MAMDC2: variants seen among roughly 807,000 people sequenced by gnomAD.
MAMDC2 encodes MAM domain-containing protein 2.
A neutral mutation model predicts 89.8 loss-of-function variants in MAMDC2; 57 were observed. The ratio of observed to expected loss-of-function variants is 0.63; its 90% CI spans 0.51 to 0.79. MAMDC2 has a LOEUF of 0.79. Ranked by LOEUF, MAMDC2 falls within the 30% of genes least tolerant of loss-of-function variation. MAMDC2 has a pLI of 0.00. For missense variants in MAMDC2, 800 were observed against 820.6 expected (o/e 0.97, Z 0.31); for synonymous variants, 313 against 293.4 (o/e 1.07, Z -0.68).
At chr9:70,166,635 A>G (rs1440654048) in intron 9 of MAMDC2, among the ~76,000 whole-genome samples, 1 of 152,052 alleles carries the variant, frequency 6.6e-6, no homozygotes, top group East Asian at 1.9e-4. Context: ...CTATTTTTAA[A>G]ATTCTGGGTG....
chr9:70,209,918 G>T (rs531381305), intron 11 of MAMDC2, among the ~76,000 whole-genome samples: 1 of 152,310 alleles, frequency 6.6e-6, no homozygotes, highest in South Asian at 2.1e-4. Context: ...GGAGCAGGTT[G>T]TTCAGTTTCC....
intron 9 of MAMDC2, among the ~76,000 whole-genome samples, chr9:70,159,873 G>A (rs1406974637): frequency 6.6e-6 from 1 of 152,130 alleles, no homozygotes; most frequent in Non-Finnish European, 1.5e-5. Context: ...GCCCAGCACT[G>A]ATTTTTTTTA....
At chr9:70,089,909 A>C (rs1827850922) in intron 2 of MAMDC2, among the ~76,000 whole-genome samples, 1 of 152,130 alleles carries the variant, frequency 6.6e-6, no homozygotes, top group African/African-American at 2.4e-5. Context: ...GAGCCTTTTT[A>C]ACCTAAATAT....
chr9:70,196,196 C>T (rs1254803524), intron 11 of MAMDC2, among the ~76,000 whole-genome samples: 1 of 152,088 alleles, frequency 6.6e-6, no homozygotes, highest in Non-Finnish European at 1.5e-5. Context: ...ATTCTCTCCA[C>T]TTGGCCCCAC....
intron 4 of MAMDC2, among the ~76,000 whole-genome samples, chr9:70,110,083 C>T (rs1008673329): frequency 6.6e-6 from 1 of 152,224 alleles, no homozygotes; most frequent in African/African-American, 2.4e-5. Flanking sequence ...AACCTCAACA[C>T]ATTCTGATTA....
At chr9:70,161,892 G>C (rs2031987256) in intron 9 of MAMDC2, among the ~76,000 whole-genome samples, 1 of 152,130 alleles carries the variant, frequency 6.6e-6, no homozygotes, top group African/African-American at 2.4e-5. Flanking sequence ...GATTTCAAAA[G>C]ATTTTAACCT....
chr9:70,128,448 G>A (rs531953549), intron 6 of MAMDC2, among the ~76,000 whole-genome samples: 20 of 152,192 alleles, frequency 1.3e-4, no homozygotes, highest in South Asian at 1.2e-3. Flanking sequence ...AGGCTTCCCC[G>A]TGGATTTTGG....
At position 70,140,161 on chromosome 9, in the gene MAMDC2, C is replaced by T. The variant is rs765858332; in HGVS notation, c.1011C>T (p.Ala337=). 3.1e-5 allele frequency: 49 copies of T among 1,587,084 alleles called. No individual in the cohort carries two copies. Among genetic ancestry groups the T allele is most frequent in the Non-Finnish European group, 4.0e-5 (47 of 1,171,260 alleles). ...CQNQTELLFS[A]VEASCNFEQD... is the part of the protein sequence containing the mutation. ...TTTGCTCAGAACTTCTGTTCAGTGC[C>T]GTGGAAGCCAGCTGCAATTTTGAGC... The change falls in exon 8 of 14, where the codon GCC becomes GCT. Residue 337 remains alanine (A), a synonymous_variant. Transcript: ENST00000377182.
chr9:70,200,332 T>C (rs1331354443), intron 11 of MAMDC2, among the ~76,000 whole-genome samples: 5 of 146,844 alleles, frequency 3.4e-5, no homozygotes, highest in African/African-American at 5.0e-5. Context: ...TGCTTGTTTT[T>C]CTCAGGTTTG....
In MAMDC2 at chr9:70,044,112, C is replaced by A; in HGVS notation, c.-86C>A. 6.5e-7 allele frequency: 1 copy of A among 1,545,350 alleles called. No individual in the cohort carries two copies. Among genetic ancestry groups the A allele is most frequent in the Non-Finnish European group, 8.9e-7 (1 of 1,122,780 alleles). Reference sequence around the variant, plus strand: ...CCTTGGGTCCCCGGCGCCCCCGCCTCCCACGATCCCTTTCACTAGGAGCAG... The same window carrying A: ...CCTTGGGTCCCCGGCGCCCCCGCCTACCACGATCCCTTTCACTAGGAGCAG... On this transcript the variant is annotated 5_prime_UTR_variant, in exon 1 of 14. Coordinates refer to ENST00000377182, the MANE Select transcript of MAMDC2 (RefSeq NM_153267.5).
intron 11 of MAMDC2, among the ~76,000 whole-genome samples, chr9:70,213,751 CAAAG>C (rs10569138): frequency 0.95 from 144,953 of 152,220 alleles, 69,046 homozygotes; most frequent in Middle Eastern, 0.99. Flanking sequence ...GTAATGAACT[CAAAG>C]AAAGAATTAT....
chr9:70,088,974 C>CCATG (rs1317030753), intron 2 of MAMDC2: 1 of 152,082 alleles, frequency 6.6e-6, no homozygotes. Context: ...TGGGCACTTT[C>CCATG]CATGCATGAT....
chr9:70,154,222 T>G (rs1387769621), intron 9 of MAMDC2: 1 of 152,208 alleles, frequency 6.6e-6, no homozygotes, highest in African/African-American at 2.4e-5. Context: ...TTTTTTTAAT[T>G]CCTAACATCA....
intron 2 of MAMDC2, among the ~76,000 whole-genome samples, chr9:70,105,356 G>T (rs1379805291): frequency 1.3e-5 from 2 of 152,120 alleles, no homozygotes; most frequent in African/African-American, 2.4e-5. Context: ...TCCAGAGCAG[G>T]CCTGGAAAAC....
intron 11 of MAMDC2, among the ~76,000 whole-genome samples, chr9:70,195,117 C>T (rs141410905): frequency 1.4e-3 from 215 of 151,976 alleles, no homozygotes; most frequent in Middle Eastern, 0.01. Flanking sequence ...TAAAGAAAAA[C>T]ATTAAATGAA....
chr9:70,055,324 A>G (rs189122502), intron 2 of MAMDC2, among the ~76,000 whole-genome samples: 2 of 152,334 alleles, frequency 1.3e-5, no homozygotes, highest in Admixed American at 1.3e-4. Flanking sequence ...GGTTATTATC[A>G]GTATTTTACA....
At chr9:70,092,382 T>C (rs920563766) in intron 2 of MAMDC2, 1 of 152,218 alleles carries the variant, frequency 6.6e-6, no homozygotes, top group African/African-American at 2.4e-5. Flanking sequence ...AAGACTATTT[T>C]GCAAGTGATG....
At chr9:70,208,906 T>C (rs1000016684) in intron 11 of MAMDC2, among the ~76,000 whole-genome samples, 4 of 151,604 alleles carry the variant, frequency 2.6e-5, no homozygotes, top group African/African-American at 4.8e-5. Context: ...TTTTTGTCTT[T>C]GGTTCTGTTT....
At chr9:70,158,151 TCTCA>T (rs1174492768) in intron 9 of MAMDC2, among the ~76,000 whole-genome samples, 3 of 152,096 alleles carry the variant, frequency 2.0e-5, no homozygotes, top group Admixed American at 6.5e-5. Context: ...AGAAATGTGG[TCTCA>T]CTATTACCCA....
Sources: allele counts gnomAD v4.1 joint callset (sites outside exome capture counted in the v4.1 genomes callset), GRCh38; gene constraint gnomAD v4.1.1; transcripts MANE v1.5; gene names NCBI Gene and HGNC (gene_info 2026-07-23, HGNC 2026-07-21).